The following CDH13 variants were observed in gnomAD, a reference collection of about 807,000 sequenced individuals.
CDH13 encodes the protein cadherin-13.
Under a neutral mutation model 63.8 loss-of-function variants are expected in CDH13, and 24 were observed. The ratio of observed to expected loss-of-function variants is 0.38; its 90% CI spans 0.27 to 0.53. The LOEUF (loss-of-function observed/expected upper bound fraction) is 0.53. Ranked by LOEUF, CDH13 falls within the 20% of genes least tolerant of loss-of-function variation. The probability of loss-of-function intolerance (pLI) is 0.85; values close to 1 mark genes in which losing one functional copy is unlikely to be tolerated. For synonymous variants in CDH13, 503 were observed against 355.3 expected (o/e 1.42, Z -4.67); for missense variants, 1,049 against 903.1 (o/e 1.16, Z -2.07).
At chr16:83,713,553 C>T (rs72797277) in intron 10 of CDH13, among the ~76,000 whole-genome samples, 15,657 of 151,628 alleles carry the variant, frequency 0.1, 1,043 homozygotes, top group Non-Finnish European at 0.15. Flanking sequence ...GGTAAAAAGA[C>T]GTGTTTCTTT....
chr16:83,714,720 G>T (rs750849949), intron 10 of CDH13, among the ~76,000 whole-genome samples: 2 of 152,118 alleles, frequency 1.3e-5, no homozygotes, highest in South Asian at 2.1e-4. Flanking sequence ...TGACATCCTG[G>T]CATCTTTGGA....
At chr16:82,637,357 T>C (rs892074050) in intron 1 of CDH13, among the ~76,000 whole-genome samples, 1 of 151,642 alleles carries the variant, frequency 6.6e-6, no homozygotes, top group Admixed American at 6.6e-5. Context: ...AGATATTTAG[T>C]GAGTGCTGTA....
chr16:83,278,089 G>A (rs2151853236), intron 5 of CDH13, among the ~76,000 whole-genome samples: 1 of 152,264 alleles, frequency 6.6e-6, no homozygotes, highest in Non-Finnish European at 1.5e-5. Flanking sequence ...GCATGAGCAG[G>A]AATCAGGCGC....
chr16:83,185,573 G>C (rs776783300), intron 4 of CDH13, among the ~76,000 whole-genome samples: 1 of 152,120 alleles, frequency 6.6e-6, no homozygotes, highest in Non-Finnish European at 1.5e-5. Context: ...TTTCATACTT[G>C]AACAGTATCA....
chr16:83,391,606 C>T (rs952671632), intron 6 of CDH13, among the ~76,000 whole-genome samples: 5 of 151,956 alleles, frequency 3.3e-5, no homozygotes, highest in Non-Finnish European at 1.5e-5. Flanking sequence ...AATACTCTGG[C>T]GCAACCCCCC....
chr16:82,731,106 G>A (rs992803457), intron 1 of CDH13, among the ~76,000 whole-genome samples: 8 of 152,168 alleles, frequency 5.3e-5, no homozygotes, highest in African/African-American at 1.4e-4. Context: ...TGGCCATGCC[G>A]GGAGTATTTA....
At chr16:83,588,204 T>C (rs2150732288) in intron 7 of CDH13, among the ~76,000 whole-genome samples, 1 of 152,312 alleles carries the variant, frequency 6.6e-6, no homozygotes, top group East Asian at 1.9e-4. Context: ...CTGCACACTC[T>C]TGGACAGCCA....
chr16:82,685,321 G>A (rs977080620), intron 1 of CDH13, among the ~76,000 whole-genome samples: 12 of 152,140 alleles, frequency 7.9e-5, no homozygotes, highest in African/African-American at 1.2e-4. Flanking sequence ...CCATCTAGCC[G>A]TGTCCTCACT....
chr16:83,491,333 T>G (rs2074006935), intron 7 of CDH13, among the ~76,000 whole-genome samples: 1 of 152,190 alleles, frequency 6.6e-6, no homozygotes, highest in Non-Finnish European at 1.5e-5. Context: ...TTGGGGCACT[T>G]TTTTATTATT....
chr16:82,998,576 T>G (rs1912507177), intron 2 of CDH13, among the ~76,000 whole-genome samples: 1 of 152,168 alleles, frequency 6.6e-6, no homozygotes, highest in Non-Finnish European at 1.5e-5. Flanking sequence ...TGCTTGGACC[T>G]TGTTTCATCC....
intron 7 of CDH13, among the ~76,000 whole-genome samples, chr16:83,557,213 C>T (rs544179456): frequency 2.6e-5 from 4 of 152,174 alleles, no homozygotes; most frequent in African/African-American, 7.2e-5. Context: ...TAGTCTGTCA[C>T]GTCTCCCATC....
chr16:83,121,994 ACT>A (rs1491107818), intron 3 of CDH13, among the ~76,000 whole-genome samples: 2 of 150,708 alleles, frequency 1.3e-5, no homozygotes, highest in African/African-American at 4.9e-5. Context: ...ACACACACAC[ACT>A]TTTATGGGGC....
intron 2 of CDH13, among the ~76,000 whole-genome samples, chr16:82,998,238 C>T (rs375069254): frequency 3.0e-4 from 46 of 152,260 alleles, no homozygotes; most frequent in African/African-American, 7.9e-4. Context: ...TTTTCTAAAA[C>T]GCATTAATGC....
chr16:82,884,876 A>T (rs1011747519), intron 2 of CDH13, among the ~76,000 whole-genome samples: 2 of 152,204 alleles, frequency 1.3e-5, no homozygotes, highest in Admixed American at 6.5e-5. Context: ...CTGTGGGGAA[A>T]ATCTAAAGTT....
At position 83,713,019 on chromosome 16, in the gene CDH13, C is replaced by G. The variant is rs78505464; in HGVS notation, c.1538+34558C>G. On this transcript the variant is annotated intron_variant, in intron 10 of 13. Coordinates refer to ENST00000567109, the MANE Select transcript of CDH13 (RefSeq NM_001257.5). Reference sequence around the variant, plus strand: ...GTTGCTTTCAAATACTAGTATAATTCTGGCCAAATATCCCTGTTTAAAATG... The same window carrying G: ...GTTGCTTTCAAATACTAGTATAATTGTGGCCAAATATCCCTGTTTAAAATG... Among the ~76,000 whole-genome samples, 93 of 152,336 alleles carry G rather than the reference C, an allele frequency of 6.1e-4. 1 individual carries two copies. In the East Asian group the frequency reaches 0.015, roughly 25 times the overall value.
intron 2 of CDH13, among the ~76,000 whole-genome samples, chr16:82,930,294 G>A (rs1185780807): frequency 1.3e-5 from 2 of 151,992 alleles, no homozygotes; most frequent in African/African-American, 4.8e-5. Flanking sequence ...TATGTAAATG[G>A]AATCATAGAG....
chr16:82,894,872 T>A (rs1231323610), intron 2 of CDH13, among the ~76,000 whole-genome samples: 1 of 152,094 alleles, frequency 6.6e-6, no homozygotes, highest in African/African-American at 2.4e-5. Flanking sequence ...GCGAAGGCCT[T>A]GGTGAGTCTG....
At chr16:83,743,762 T>TTTTTTTTTTTTTTG (rs1912293144) in intron 10 of CDH13, among the ~76,000 whole-genome samples, 1 of 134,214 alleles carries the variant, frequency 7.5e-6, no homozygotes, top group Non-Finnish European at 1.6e-5. Flanking sequence ...TTTTTTTTTT[T>TTTTTTTTTTTTTTG]TTTTTCTTTG....
At chr16:83,050,300 A>C (rs73596244) in intron 3 of CDH13, among the ~76,000 whole-genome samples, 2 of 152,134 alleles carry the variant, frequency 1.3e-5, no homozygotes, top group African/African-American at 4.8e-5. Context: ...AAACCACCCA[A>C]CTGTCCCCTA....
Sources: allele counts gnomAD v4.1 joint callset (sites outside exome capture counted in the v4.1 genomes callset), GRCh38; gene constraint gnomAD v4.1.1; transcripts MANE v1.5; gene names NCBI Gene and HGNC (gene_info 2026-07-23, HGNC 2026-07-21).